Variants in RASGRF2 observed in about 807,000 individuals in gnomAD.
The protein encoded by RASGRF2 is ras-specific guanine nucleotide-releasing factor 2.
RASGRF2 carries 76 observed loss-of-function variants against 151.0 expected under a neutral mutation model. The observed-to-expected ratio is 0.50, with a 90% confidence interval of 0.42 to 0.61. RASGRF2 has a LOEUF of 0.61. Ranked by LOEUF, RASGRF2 falls within the 20% of genes least tolerant of loss-of-function variation. RASGRF2 has a pLI of 0.00. For missense variants in RASGRF2, 1,148 were observed against 1,564.6 expected, an observed-to-expected ratio of 0.73 and a Z score of 4.49; for synonymous variants, 504 against 566.5, an observed-to-expected ratio of 0.89 and a Z score of 1.57.
intron 1 of RASGRF2, among the ~76,000 whole-genome samples, chr5:80,986,964 C>G (rs1748491284): frequency 6.6e-6 from 1 of 152,178 alleles, no homozygotes; most frequent in East Asian, 1.9e-4. Context: ...GCCCCCATAT[C>G]TGGGCCCCAG....
intron 2 of RASGRF2, among the ~76,000 whole-genome samples, chr5:81,055,371 T>A (rs1751164917): frequency 6.6e-6 from 1 of 152,184 alleles, no homozygotes; most frequent in Non-Finnish European, 1.5e-5. Context: ...CTCTTCTGGA[T>A]CTATTGAGAT....
intron 17 of RASGRF2, among the ~76,000 whole-genome samples, chr5:81,168,498 T>C (rs1754567966): frequency 6.6e-6 from 1 of 151,674 alleles, no homozygotes; most frequent in South Asian, 2.1e-4. Context: ...TTTAGTAGAG[T>C]TGGGGTTTCA....
At chr5:81,105,945 A>T (rs1027114141) in intron 12 of RASGRF2, among the ~76,000 whole-genome samples, 1 of 152,224 alleles carries the variant, frequency 6.6e-6, no homozygotes, top group African/African-American at 2.4e-5. Flanking sequence ...TCTTCTCTTT[A>T]TCCTCATTTC....
At chr5:81,202,005 T>TA (rs1561257815) in intron 19 of RASGRF2, among the ~76,000 whole-genome samples, 1 of 152,190 alleles carries the variant, frequency 6.6e-6, no homozygotes, top group Non-Finnish European at 1.5e-5. Context: ...GACTCCACAC[T>TA]TCTATGTGAT....
intron 7 of RASGRF2, among the ~76,000 whole-genome samples, chr5:81,083,928 T>C (rs1752156402): frequency 6.6e-6 from 1 of 152,242 alleles, no homozygotes; most frequent in South Asian, 2.1e-4. Flanking sequence ...TTTAGACAGT[T>C]CCTATGATTC....
intron 1 of RASGRF2, among the ~76,000 whole-genome samples, chr5:80,989,955 T>A (rs1412506520): frequency 1.3e-5 from 2 of 152,182 alleles, no homozygotes; most frequent in Non-Finnish European, 2.9e-5. Context: ...TTTGTCTGGA[T>A]TGCTTATTGG....
At chr5:81,106,142 T>A (rs1200119602) in intron 12 of RASGRF2, among the ~76,000 whole-genome samples, 1 of 152,242 alleles carries the variant, frequency 6.6e-6, no homozygotes, top group Admixed American at 6.5e-5. Flanking sequence ...CTATGTTTTT[T>A]TCCTTTTAAA....
chr5:81,210,504 T>C (rs1205278039), intron 22 of RASGRF2, among the ~76,000 whole-genome samples: 1 of 152,176 alleles, frequency 6.6e-6, no homozygotes, highest in Non-Finnish European at 1.5e-5. Context: ...TGATCACAAG[T>C]GGAGTTATAC....
At chr5:81,181,274 A>G (rs1754911470) in intron 18 of RASGRF2, among the ~76,000 whole-genome samples, 1 of 152,192 alleles carries the variant, frequency 6.6e-6, no homozygotes, top group Non-Finnish European at 1.5e-5. Context: ...AGTCTGTTCA[A>G]TAGGGTCACC....
At chr5:81,087,262 G>A in intron 9 of RASGRF2, 2 of 703,090 alleles carry the variant, frequency 2.8e-6, no homozygotes, top group East Asian at 5.4e-5. Flanking sequence ...CTGGCCCACG[G>A]CCGTGGCAGT....
intron 18 of RASGRF2, among the ~76,000 whole-genome samples, chr5:81,190,173 A>G (rs1755125921): frequency 6.6e-6 from 1 of 152,146 alleles, no homozygotes; most frequent in Admixed American, 6.5e-5. Flanking sequence ...CAGCCGCCCA[A>G]ATGAAATAGA....
At chr5:81,139,401 CTTTCT>C (rs371122533) in intron 17 of RASGRF2, among the ~76,000 whole-genome samples, 140 of 137,408 alleles carry the variant, frequency 1.0e-3, no homozygotes, top group African/African-American at 1.8e-3. Flanking sequence ...TTCTTTCTTT[CTTTCT>C]TTTTTTTTTT....
At chr5:81,196,343 G>C (rs1755264589) in intron 18 of RASGRF2, among the ~76,000 whole-genome samples, 1 of 152,122 alleles carries the variant, frequency 6.6e-6, no homozygotes, top group African/African-American at 2.4e-5. Flanking sequence ...TGAAAATTAT[G>C]GATGGCAAAA....
At position 81,226,150 on chromosome 5, in the gene RASGRF2, G is replaced by A. The variant is rs925159161; in HGVS notation, c.*380G>A. Reference sequence around the variant, plus strand: ...AAAAGACCTGTGATGTTTCTCTGGCGCTTTACTGGCCTGGGCACACCTACC... The same window carrying A: ...AAAAGACCTGTGATGTTTCTCTGGCACTTTACTGGCCTGGGCACACCTACC... On this transcript the variant is annotated 3_prime_UTR_variant, in exon 27 of 27. Transcript: ENST00000265080. 1.6e-4 allele frequency: 27 copies of A among 165,096 alleles called. No individual in the cohort carries two copies. Among genetic ancestry groups the A allele is most frequent in the African/African-American group, 6.0e-4 (25 of 41,712 alleles). 10.2% of individuals were successfully genotyped at this position (165,096 alleles called of 1,614,324 possible).
At chr5:81,185,361 G>A (rs978743395) in intron 18 of RASGRF2, among the ~76,000 whole-genome samples, 3 of 152,196 alleles carry the variant, frequency 2.0e-5, no homozygotes, top group African/African-American at 7.2e-5. Flanking sequence ...ATGTGTTTGA[G>A]TGAACCAGAT....
chr5:81,019,666 A>T (rs1445951627), intron 1 of RASGRF2: 5 of 152,184 alleles, frequency 3.3e-5, no homozygotes, highest in African/African-American at 1.2e-4. Flanking sequence ...TTTTTTAGAA[A>T]TTATTTTTCT....
chr5:81,176,608 T>C (rs186710493), intron 17 of RASGRF2, among the ~76,000 whole-genome samples: 81 of 152,256 alleles, frequency 5.3e-4, no homozygotes, highest in African/African-American at 1.9e-3. Flanking sequence ...GTGCGTTTTA[T>C]AATTTTGGAT....
chr5:81,010,282 T>C (rs942690894), intron 1 of RASGRF2, among the ~76,000 whole-genome samples: 4 of 152,156 alleles, frequency 2.6e-5, no homozygotes, highest in African/African-American at 7.2e-5. Flanking sequence ...GTATTTTCCG[T>C]ATTTATATAT....
At chr5:81,147,342 C>T (rs898770317) in intron 17 of RASGRF2, among the ~76,000 whole-genome samples, 10 of 152,048 alleles carry the variant, frequency 6.6e-5, no homozygotes, top group Admixed American at 1.3e-4. Context: ...GTATGCATTT[C>T]GTGGTTTATG....
Sources: gnomAD v4.1 joint callset for allele counts (sites outside exome capture counted in the v4.1 genomes callset) on GRCh38, gnomAD v4.1.1 for gene constraint, MANE v1.5 for transcripts, NCBI Gene and HGNC (gene_info 2026-07-23, HGNC 2026-07-21) for gene names.